The following CNTN2 variants were observed in gnomAD, a reference collection of about 807,000 sequenced individuals.
The protein encoded by CNTN2 is contactin-2.
In CNTN2, 53 loss-of-function variants were observed where a neutral mutation model predicts 117.5. That is an observed-to-expected ratio of 0.45 (90% CI 0.36 to 0.57). The LOEUF (loss-of-function observed/expected upper bound fraction) is 0.57. Ranked by LOEUF, CNTN2 falls within the 20% of genes least tolerant of loss-of-function variation. The pLI is 0.00. For missense variants in CNTN2, 1,106 were observed against 1,404.3 expected (o/e 0.79, Z 3.39); for synonymous variants, 530 against 561.7 (o/e 0.94, Z 0.80).
Position 205,059,563 on chromosome 1 carries a change from G to A in CNTN2, c.698-20G>A, listed in dbSNP as rs1167495890. The A allele has an allele frequency of 6.2e-7, 1 of 1,612,414 alleles. No individual in the cohort carries two copies. Among genetic ancestry groups the A allele is most frequent in the African/African-American group, 1.3e-5 (1 of 74,874 alleles). On this transcript the variant is annotated intron_variant, in intron 6 of 22. Transcript: ENST00000331830. This position sits in a 1 kb window ranked among gnomAD's most constrained non-coding sequence, Gnocchi z 5.6. ...ACCTGGAGTCATCTGCATCTGATTT[G>A]TAAAACCCTCTCTCCCCAGATACCC...
At chr1:205,052,428 TC>T (rs2096454493) in intron 1 of CNTN2, among the ~76,000 whole-genome samples, 1 of 152,196 alleles carries the variant, frequency 6.6e-6, no homozygotes. Context: ...CCTCAGCTCA[TC>T]TCTGTGCAAG....
chr1:205,070,307 G>C, intron 18 of CNTN2, 119 bp from the exon 19 acceptor site: 1 of 751,574 alleles, frequency 1.3e-6, no homozygotes. Flanking sequence ...GCTCCCACTC[G>C]GCCTTCATCC....
rs1654536381 is a variant in CNTN2, at chr1:205,070,492, G to C, written c.2498G>C (p.Trp833Ser). The C allele has an allele frequency of 6.2e-7, 1 of 1,613,910 alleles. No individual in the cohort carries two copies. Among genetic ancestry groups the C allele is most frequent in the Non-Finnish European group, 8.5e-7 (1 of 1,179,982 alleles). The change falls in exon 19 of 23, where the codon TGG (tryptophan) becomes TCG (serine). Residue 833 changes from tryptophan to serine, a missense_variant. Trp to Ser is a radical substitution (Grantham distance 177). Transcript: ENST00000331830. ...TCATCCTCAGAGATGAACGTGACCT[G>C]GGAACCCGTGCAGCAGGACATGAAT... is the stretch of plus-strand genomic sequence containing the variant. ...GVSSSEMNVT[W>S]EPVQQDMNGI...
chr1:205,049,491 C>T (rs1052112367), intron 1 of CNTN2, among the ~76,000 whole-genome samples: 36 of 152,058 alleles, frequency 2.4e-4, no homozygotes, highest in African/African-American at 7.5e-4. Flanking sequence ...GGGACACAGA[C>T]GCGCACACAC....
chr1:205,064,551 A>T, intron 11 of CNTN2, 72 bp from the exon 12 acceptor site: 1 of 1,598,202 alleles, frequency 6.3e-7, no homozygotes, highest in Non-Finnish European at 8.6e-7. Flanking sequence ...CTGTGACAAC[A>T]GTCACAGGAG....
chr1:205,050,257 G>A (rs1032460901), intron 1 of CNTN2, among the ~76,000 whole-genome samples: 6 of 150,668 alleles, frequency 4.0e-5, no homozygotes, highest in South Asian at 2.1e-4. Flanking sequence ...GACCAGATAC[G>A]CTGCTGACCC....
chr1:205,061,613 G>A lies in CNTN2; in HGVS notation c.973+193G>A, dbSNP rs1461990418. 1 of 789,236 alleles carries A rather than the reference G, an allele frequency of 1.3e-6. No homozygotes were observed. Among genetic ancestry groups the A allele is most frequent in the Non-Finnish European group, 1.9e-6 (1 of 520,162 alleles). The allele number at this position is 789,236 out of a possible 1,614,324, so 48.9% of individuals were successfully genotyped here. A position where few individuals can be genotyped will look rare whatever the true frequency, so the allele number is the denominator to read the frequency against. ...TGTGGTCACCTCAGAGCTTCAGTCA[G>A]GGGTGCAGAAAGCACACAGGAGGCT... On this transcript the variant is annotated intron_variant, in intron 8 of 22. Coordinates refer to ENST00000331830, the MANE Select transcript of CNTN2 (RefSeq NM_005076.5). The surrounding 1 kb of genome is among the most constrained non-coding windows in gnomAD (Gnocchi z 4.8).
rs1413899969 is a variant in CNTN2 at position 205,058,418 on chromosome 1, C to G, written c.391+62C>G. 6.5e-7 allele frequency: 1 copy of G among 1,531,552 alleles called. No individual in the cohort carries two copies. The highest frequency in any genetic ancestry group is 1.4e-5 in the African/African-American group (1 of 72,840). The allele number at this position is 1,531,552 out of a possible 1,614,324, so 94.9% of individuals were successfully genotyped here. The stretch of plus-strand genomic sequence containing the variant: ...GGGGAGAGGGGGCTAGGAGAAATTA[C>G]TGAGAAAGGATAAGGGACACCCTCA... On this transcript the variant is annotated intron_variant, in intron 4 of 22. Transcript: ENST00000331830. This position sits in a 1 kb window ranked among gnomAD's most constrained non-coding sequence, Gnocchi z 4.3.
intron 1 of CNTN2, among the ~76,000 whole-genome samples, chr1:205,052,224 C>T (rs1558536937): frequency 6.6e-6 from 1 of 152,230 alleles, no homozygotes; most frequent in Non-Finnish European, 1.5e-5. Flanking sequence ...AAGCAGGCCC[C>T]TGACATTCCA....
At position 205,059,774 on chromosome 1, in the gene CNTN2, T is replaced by C. The variant is rs755872476; in HGVS notation, c.797+92T>C. 6.7e-5 allele frequency: 71 copies of C among 1,064,932 alleles called. No homozygotes were observed. The highest frequency in any genetic ancestry group is 9.8e-5 in the Non-Finnish European group (68 of 690,898). The allele number at this position is 1,064,932 out of a possible 1,614,324, so 66.0% of individuals were successfully genotyped here. A position where few individuals can be genotyped will look rare whatever the true frequency, so the allele number is the denominator to read the frequency against. On this transcript the variant is annotated intron_variant, in intron 7 of 22. Transcript: ENST00000331830. This position sits in a 1 kb window ranked among gnomAD's most constrained non-coding sequence, Gnocchi z 5.6. ...GGCAGGCAGAGTCAGGGCTCTTATC[T>C]TGGTGTCCCTCACAGGGTCTAGCAA...
At chr1:205,051,584 C>T (rs1032800740) in intron 1 of CNTN2, among the ~76,000 whole-genome samples, 8 of 152,082 alleles carry the variant, frequency 5.3e-5, no homozygotes, top group African/African-American at 1.2e-4. Flanking sequence ...AGGCTGCAGT[C>T]GGGGTGGAGG....
Position 205,066,572 on chromosome 1 carries a change from G to A in CNTN2, c.1948G>A (p.Ala650Thr), listed in dbSNP as rs143193781. 1 of 1,614,046 alleles carries A rather than the reference G, an allele frequency of 6.2e-7. No homozygotes were observed. The highest frequency in any genetic ancestry group is 8.5e-7 in the Non-Finnish European group (1 of 1,180,004). ...CACCCTGCAAGCTCGCACTCCACCT[G>A]CAGGGAAGTGGAAGCAGGTTCGGAC... ...KYTLQARTPP[A>T]GKWKQVRTNP... The change falls in exon 15 of 23, where the codon GCA (alanine) becomes ACA (threonine). Residue 650 changes from alanine to threonine, a missense_variant. Ala to Thr is a moderately conservative substitution (Grantham distance 58, BLOSUM62 0). Coordinates refer to ENST00000331830, the MANE Select transcript of CNTN2 (RefSeq NM_005076.5).
chr1:205,049,829 T>C (rs2096449194), intron 1 of CNTN2, among the ~76,000 whole-genome samples: 1 of 152,218 alleles, frequency 6.6e-6, no homozygotes, highest in African/African-American at 2.4e-5. Flanking sequence ...GGGAACTTCA[T>C]AGGAAAGTCC....
chr1:205,059,702 G>A lies in CNTN2; in HGVS notation c.797+20G>A. 9 of 1,607,520 alleles carry A rather than the reference G, an allele frequency of 5.6e-6. No homozygotes were observed. Among genetic ancestry groups the A allele is most frequent in the Non-Finnish European group, 7.7e-6 (9 of 1,174,044 alleles). On this transcript the variant is annotated intron_variant, in intron 7 of 22. Coordinates refer to ENST00000331830, the MANE Select transcript of CNTN2 (RefSeq NM_005076.5). This position sits in a 1 kb window ranked among gnomAD's most constrained non-coding sequence, Gnocchi z 5.6. ...TGGGAAGTGAGTGTGAAGAGGGAGGGGAAGCAGAGCACGGTCTCTCGGGGG... is the reference window on the plus strand; with the variant it reads ...TGGGAAGTGAGTGTGAAGAGGGAGGAGAAGCAGAGCACGGTCTCTCGGGGG...
chr1:205,051,070 C>T lies in CNTN2; in HGVS notation c.-86-2030C>T, dbSNP rs570770040. Among the ~76,000 whole-genome samples, 36 of 152,336 alleles carry T rather than the reference C, an allele frequency of 2.4e-4. No homozygotes were observed. The South Asian group carries it at 7.2e-3, about 31-fold the overall frequency. ...AGTCAAGGAGCATCTGCATGAGCCC[C>T]ATCATGTGTGCCCACGCATGTGTTC... On this transcript the variant is annotated intron_variant, in intron 1 of 22. Transcript: ENST00000331830.
chr1:205,061,388 G>A lies in CNTN2; in HGVS notation c.941G>A (p.Arg314Gln), dbSNP rs199521414. Residue 314 changes from arginine to glutamine, a missense_variant, in exon 8 of 23, where the codon CGA becomes CAA. Arg to Gln is a conservative substitution (Grantham distance 43). Coordinates refer to ENST00000331830, the MANE Select transcript of CNTN2 (RefSeq NM_005076.5). This position sits in a 1 kb window ranked among gnomAD's most constrained non-coding sequence, Gnocchi z 4.8. ...TGTGAGGCGGAGAACTCCAAGGGCC[G>A]AGACACCGTGCAGGGCCGCATCATC... ...YECEAENSKG[R>Q]DTVQGRIIVQ... 3.1e-6 allele frequency: 5 copies of A among 1,613,164 alleles called. No individual in the cohort carries two copies. The highest frequency in any genetic ancestry group is 2.2e-5 in the South Asian group (2 of 90,936).
Sources: gnomAD v4.1 joint callset for allele counts (sites outside exome capture counted in the v4.1 genomes callset) on GRCh38, gnomAD v4.1.1 for gene constraint, Gnocchi (gnomAD v3.1) non-coding constraint, MANE v1.5 for transcripts, NCBI Gene and HGNC (gene_info 2026-07-23, HGNC 2026-07-21) for gene names.